CNOT2: variants seen among roughly 807,000 people sequenced by gnomAD.
The protein encoded by CNOT2 is CC chemokine receptor 4-negative regulator of transcription 2.
A neutral mutation model predicts 72.1 loss-of-function variants in CNOT2; 7 were observed. The observed-to-expected ratio is 0.10, with a 90% CI of 0.06 to 0.18. The LOEUF (loss-of-function observed/expected upper bound fraction) is 0.18, where lower values mean the gene tolerates loss of function less well. CNOT2 is among the 10% of genes least tolerant of loss of function. The pLI is 1.00. For synonymous variants in CNOT2, 196 were observed against 225.6 expected, an observed-to-expected ratio of 0.87 and a Z score of 1.17; for missense variants, 345 against 660.3, an observed-to-expected ratio of 0.52 and a Z score of 5.23.
At chr12:70,244,882 G>T (rs753517217) in intron 1 of CNOT2, among the ~76,000 whole-genome samples, 9 of 152,170 alleles carry the variant, frequency 5.9e-5, no homozygotes, top group Non-Finnish European at 8.8e-5. Context: ...TTAGAGCTCG[G>T]AATCATAAGT....
chr12:70,327,262 A>T (rs563720151), intron 4 of CNOT2, among the ~76,000 whole-genome samples: 3 of 151,866 alleles, frequency 2.0e-5, no homozygotes, highest in East Asian at 1.9e-4. Context: ...AGGTATGACG[A>T]TGAGAGAGAA....
chr12:70,267,206 ATTCT>A (rs1959094011), intron 1 of CNOT2, among the ~76,000 whole-genome samples: 1 of 152,132 alleles, frequency 6.6e-6, no homozygotes, highest in African/African-American at 2.4e-5. Context: ...CCAGAAATTT[ATTCT>A]TTCATGGTTC....
At chr12:70,250,510 T>A (rs998076162) in intron 1 of CNOT2, among the ~76,000 whole-genome samples, 2 of 152,060 alleles carry the variant, frequency 1.3e-5, no homozygotes, top group African/African-American at 4.8e-5. Flanking sequence ...CCACCTTCAT[T>A]AATGTAACAT....
chr12:70,338,816 C>G lies in CNOT2; in HGVS notation c.1172C>G (p.Ser391Cys). Residue 391 changes from serine to cysteine, a missense_variant, in exon 11 of 16, where the codon TCT (serine) becomes TGT (cysteine). By Grantham distance (112) the Ser-to-Cys change is moderately radical. Transcript: ENST00000229195. The part of the protein sequence containing the change: ...DLTTLGLNLN[S>C]PENLYPKFAS... Reference sequence around the variant, plus strand: ...ACAACATTAGGCCTCAATCTGAACTCTCCTGAGTAAGTTTTTTCTGTTTTT... The same window carrying G: ...ACAACATTAGGCCTCAATCTGAACTGTCCTGAGTAAGTTTTTTCTGTTTTT... 6.2e-7 allele frequency: 1 copy of G among 1,611,668 alleles called. No homozygotes were observed. The highest frequency in any genetic ancestry group is 8.5e-7 in the Non-Finnish European group (1 of 1,178,990).
At chr12:70,288,852 T>C (rs1871368216) in intron 2 of CNOT2, among the ~76,000 whole-genome samples, 1 of 152,212 alleles carries the variant, frequency 6.6e-6, no homozygotes, top group African/African-American at 2.4e-5. Flanking sequence ...CTTAGACTTC[T>C]GTTACATTTT....
chr12:70,338,520 AAAT>A lies in CNOT2; in HGVS notation c.984_986del (p.Asn329del). 1 of 1,613,352 alleles carries A rather than the reference AAAT, an allele frequency of 6.2e-7. No homozygotes were observed. Among genetic ancestry groups the A allele is most frequent in the Non-Finnish European group, 8.5e-7 (1 of 1,179,572 alleles). On this transcript the variant is annotated inframe_deletion, in exon 10 of 16. Transcript: ENST00000229195. ...CTGGAGATAAAAGTTCAACAACACA[AAAT>A]AATAACCAGCAGAAAAAAGGGATCC... is the stretch of plus-strand genomic sequence containing the variant.
chr12:70,319,701 G>A (rs1877960092), intron 4 of CNOT2, among the ~76,000 whole-genome samples: 1 of 150,598 alleles, frequency 6.6e-6, no homozygotes, highest in African/African-American at 2.4e-5. Flanking sequence ...AGCTTTTTTA[G>A]TTTATTTGAC....
At chr12:70,277,877 C>G (rs1253854472) in intron 1 of CNOT2, among the ~76,000 whole-genome samples, 3 of 151,928 alleles carry the variant, frequency 2.0e-5, no homozygotes, top group Admixed American at 1.3e-4. Context: ...AAATTTCTCC[C>G]TTGTGTGTGA....
chr12:70,289,127 A>G (rs995692801), intron 2 of CNOT2, among the ~76,000 whole-genome samples: 3 of 150,898 alleles, frequency 2.0e-5, no homozygotes, highest in Non-Finnish European at 4.4e-5. Flanking sequence ...GGATTAAAAA[A>G]TTTTTTTTCT....
At chr12:70,321,912 T>C (rs1878359471) in intron 4 of CNOT2, 1 of 151,788 alleles carries the variant, frequency 6.6e-6, no homozygotes, top group South Asian at 2.1e-4. Flanking sequence ...AACAGAGACC[T>C]GTATGGTCTT....
At chr12:70,342,361 AT>A in intron 13 of CNOT2, 54 bp downstream of exon 13, 2 of 1,597,710 alleles carry the variant, frequency 1.3e-6, no homozygotes, top group Non-Finnish European at 1.7e-6. Context: ...TATTTTTCAC[AT>A]GTTTTTCAGT....
intron 2 of CNOT2, among the ~76,000 whole-genome samples, chr12:70,310,224 T>C (rs1184090217): frequency 6.6e-6 from 1 of 152,050 alleles, no homozygotes; most frequent in Non-Finnish European, 1.5e-5. Flanking sequence ...TCTTCACAGA[T>C]AGCAAGTGAC....
At chr12:70,277,824 G>C (rs1369365882) in intron 1 of CNOT2, among the ~76,000 whole-genome samples, 1 of 152,050 alleles carries the variant, frequency 6.6e-6, no homozygotes, top group Non-Finnish European at 1.5e-5. Context: ...GTCAGTTGTG[G>C]GAGGGGTAAA....
chr12:70,257,416 A>G (rs1023040761), intron 1 of CNOT2, among the ~76,000 whole-genome samples: 1 of 137,952 alleles, frequency 7.2e-6, no homozygotes, highest in Non-Finnish European at 1.5e-5. Context: ...GCTGGAGGGC[A>G]GTGGCACCAT....
intron 2 of CNOT2, among the ~76,000 whole-genome samples, chr12:70,299,426 A>C (rs1420485302): frequency 8.5e-6 from 1 of 118,294 alleles, no homozygotes; most frequent in Non-Finnish European, 1.6e-5. Flanking sequence ...TCCTGTGTCC[A>C]TGTGTTCTCA....
At chr12:70,313,211 C>A (rs906751369) in intron 3 of CNOT2, among the ~76,000 whole-genome samples, 1 of 151,762 alleles carries the variant, frequency 6.6e-6, no homozygotes. Flanking sequence ...CTTTGTGTAC[C>A]TTTTTTGTGT....
At chr12:70,352,664 G>A (rs1344192543) in intron 15 of CNOT2, among the ~76,000 whole-genome samples, 2 of 152,170 alleles carry the variant, frequency 1.3e-5, no homozygotes, top group African/African-American at 2.4e-5. Flanking sequence ...GTTGGATTAT[G>A]CAGTAATTTG....
intron 2 of CNOT2, among the ~76,000 whole-genome samples, chr12:70,300,535 T>G (rs1409491073): frequency 6.6e-6 from 1 of 152,244 alleles, no homozygotes. Context: ...GTTGTAGATA[T>G]GTGGCGTTAT....
intron 1 of CNOT2, among the ~76,000 whole-genome samples, chr12:70,270,739 TC>T (rs1408213036): frequency 6.6e-6 from 1 of 152,208 alleles, no homozygotes; most frequent in Non-Finnish European, 1.5e-5. Context: ...TAAACTACTC[TC>T]TAGTTTACCC....
Sources: gnomAD v4.1 joint callset for allele counts (sites outside exome capture counted in the v4.1 genomes callset) on GRCh38, gnomAD v4.1.1 for gene constraint, MANE v1.5 for transcripts, NCBI Gene and HGNC (gene_info 2026-07-23, HGNC 2026-07-21) for gene names.